UBAP2L: variants seen among roughly 807,000 people sequenced by gnomAD.
UBAP2L encodes the protein ubiquitin-associated protein 2-like.
In UBAP2L, 12 loss-of-function variants were observed where a neutral mutation model predicts 130.6. The observed-to-expected ratio is 0.09, with a 90% confidence interval of 0.06 to 0.15. UBAP2L has a LOEUF of 0.15. Ranked by LOEUF, UBAP2L falls within the 10% of genes least tolerant of loss-of-function variation. The probability of loss-of-function intolerance (pLI) is 1.00; values close to 1 mark genes in which losing one functional copy is unlikely to be tolerated. For synonymous variants in UBAP2L, 503 were observed against 524.7 expected (o/e 0.96, Z 0.57); for missense variants, 965 against 1,332.5 (o/e 0.72, Z 4.29).
At chr1:154,257,723 G>A (rs1425172451) in intron 20 of UBAP2L, 2 of 410,054 alleles carry the variant, frequency 4.9e-6, no homozygotes, top group African/African-American at 2.0e-5. Flanking sequence ...ATTGCCACAT[G>A]TAATCAAACT....
Position 154,234,879 on chromosome 1 carries a change from CCGT to C in UBAP2L, c.448+125_448+127del, listed in dbSNP as rs1307550278. 5 of 1,400,394 alleles carry C rather than the reference CCGT, an allele frequency of 3.6e-6. No homozygotes were observed. In the African/African-American group the frequency reaches 7.2e-5, roughly 20 times the overall value. 86.7% of individuals were successfully genotyped at this position (1,400,394 alleles called of 1,614,324 possible). ...TTATATTATCCTTTTGCTTTTCTTG[CCGT>C]CGTCTGTTCTGAGACCTTGACATCT... On this transcript the variant is annotated intron_variant, in intron 5 of 26. Transcript: ENST00000428931.
rs1674062267 is a variant in UBAP2L, at chr1:154,242,956, T to C, written c.757-261T>C. ...TATTTTTTTTTTTTTATGTCTAGCA[T>C]GCCTGTAAGTTCAGTATGCATATGA... On this transcript the variant is annotated intron_variant, in intron 9 of 26. Transcript: ENST00000428931. 3 of 228,294 alleles carry C rather than the reference T, an allele frequency of 1.3e-5. No homozygotes were observed. The South Asian group carries it at 4.1e-4, about 31-fold the overall frequency. The allele number at this position is 228,294 out of a possible 1,614,324, so 14.1% of individuals were successfully genotyped here.
intron 1 of UBAP2L, among the ~76,000 whole-genome samples, chr1:154,221,583 A>C (rs1666118726): frequency 6.6e-6 from 1 of 152,042 alleles, no homozygotes; most frequent in South Asian, 2.1e-4. Context: ...CGAAGGATTA[A>C]TTTGTTCCGG....
At chr1:154,220,525 C>T (rs939330791), upstream of UBAP2L, 4 of 1,114,192 alleles carry the variant, frequency 3.6e-6, no homozygotes, top group East Asian at 2.4e-5. Flanking sequence ...CATTTCCTTA[C>T]GGGGGAAGAC....
intron 2 of UBAP2L, among the ~76,000 whole-genome samples, chr1:154,227,056 C>G (rs915255269): frequency 3.3e-5 from 5 of 152,214 alleles, no homozygotes; most frequent in African/African-American, 1.2e-4. Flanking sequence ...CTACTCACAT[C>G]AGGTGATCTG....
chr1:154,234,547 A>G, intron 4 of UBAP2L, 44 bp from the exon 5 acceptor site: 1 of 1,606,684 alleles, frequency 6.2e-7, no homozygotes, highest in South Asian at 1.1e-5. Flanking sequence ...GTGTCCTGAT[A>G]GCACTCCATA....
At chr1:154,244,994 C>T (rs928936920) in intron 10 of UBAP2L, among the ~76,000 whole-genome samples, 1 of 151,986 alleles carries the variant, frequency 6.6e-6, no homozygotes, top group Non-Finnish European at 1.5e-5. Flanking sequence ...GGCAGTGGCA[C>T]AATCTTGGCT....
chr1:154,246,187 CT>C lies in UBAP2L; in HGVS notation c.843-15del. 11 of 1,592,102 alleles carry C rather than the reference CT, an allele frequency of 6.9e-6. No individual in the cohort carries two copies. Among genetic ancestry groups the C allele is most frequent in the Non-Finnish European group, 9.5e-6 (11 of 1,163,482 alleles). ...GTTCAGTCATTCTTCATGAAGATCC[CT>C]TCCCTTCCCCATTAGAATTGACCTT... is the stretch of plus-strand genomic sequence containing the variant. On this transcript the variant is annotated splice_polypyrimidine_tract_variant and intron_variant, in intron 10 of 26. Transcript: ENST00000428931.
At chr1:154,220,637 T>C (rs1278614060), upstream of UBAP2L, 6 of 585,122 alleles carry the variant, frequency 1.0e-5, no homozygotes, top group Non-Finnish European at 1.5e-5. Flanking sequence ...AGGCAGGCAA[T>C]GGCACCCAGG....
chr1:154,254,447 G>A (rs1678927031), intron 15 of UBAP2L, among the ~76,000 whole-genome samples: 2 of 152,196 alleles, frequency 1.3e-5, no homozygotes, highest in South Asian at 2.1e-4. Context: ...ATGTGCCAGA[G>A]GTGATGTGGA....
At chr1:154,241,625 T>G (rs1050735214) in intron 9 of UBAP2L, 60 bp downstream of exon 9, 18 of 1,605,344 alleles carry the variant, frequency 1.1e-5, no homozygotes, top group Middle Eastern at 1.7e-4. Context: ...TGTTTAGGGA[T>G]AGAAAATGGG....
chr1:154,232,558 C>T (rs1207092145), intron 4 of UBAP2L, among the ~76,000 whole-genome samples: 1 of 152,006 alleles, frequency 6.6e-6, no homozygotes, highest in Non-Finnish European at 1.5e-5. Flanking sequence ...ATGTATTTTT[C>T]ACTGGGGAAA....
At chr1:154,246,157 A>G (rs775342108) in intron 10 of UBAP2L, 47 bp from the exon 11 acceptor site, 2 of 1,538,796 alleles carry the variant, frequency 1.3e-6, no homozygotes, top group South Asian at 2.4e-5. Context: ...GGGGAATGTT[A>G]GCGTGTTCAG....
At chr1:154,244,116 G>A (rs961965940) in intron 10 of UBAP2L, among the ~76,000 whole-genome samples, 2 of 152,150 alleles carry the variant, frequency 1.3e-5, no homozygotes, top group African/African-American at 4.8e-5. Flanking sequence ...ACACTCTTCA[G>A]GGAATATTTT....
chr1:154,240,582 G>A (rs905402218), intron 8 of UBAP2L, among the ~76,000 whole-genome samples: 5 of 152,058 alleles, frequency 3.3e-5, no homozygotes, highest in African/African-American at 1.2e-4. Context: ...CTCTATAGGG[G>A]CTTTTCTTAT....
At chr1:154,238,421 A>G (rs1303302249) in intron 8 of UBAP2L, among the ~76,000 whole-genome samples, 1 of 152,210 alleles carries the variant, frequency 6.6e-6, no homozygotes, top group East Asian at 1.9e-4. Flanking sequence ...TTTGAGCTGT[A>G]GCTTATTCCT....
rs112280613 is a variant in UBAP2L, at chr1:154,258,997, T to A, written c.2463T>A (p.Asp821Glu). 2.1e-4 allele frequency: 333 copies of A among 1,614,060 alleles called. 2 individuals carry two copies. The South Asian group carries it at 3.4e-3, about 16-fold the overall frequency. ...TTCAGCCACAAGTATATGGTTATGA[T>A]GACTTGCAGATGCTTCAGACAAGAT... ...HAYPPQVYGY[D>E]DLQMLQTRFP... The change falls in exon 21 of 27, where the codon GAT becomes GAA. Residue 821 changes from aspartate (D) to glutamate (E), a missense_variant. Transcript: ENST00000428931.
intron 11 of UBAP2L, among the ~76,000 whole-genome samples, chr1:154,247,975 AT>A (rs932601820): frequency 5.4e-5 from 8 of 149,530 alleles, no homozygotes; most frequent in African/African-American, 1.2e-4. Context: ...TTTATTTTTT[AT>A]TTTTTTTTGA....
intron 20 of UBAP2L, among the ~76,000 whole-genome samples, chr1:154,258,162 G>A (rs1041866650): frequency 3.5e-4 from 54 of 152,140 alleles, no homozygotes; most frequent in African/African-American, 1.2e-3. Context: ...TTAGAGACAG[G>A]GTCTTCCTAT....
Sources: allele counts gnomAD v4.1 joint callset (sites outside exome capture counted in the v4.1 genomes callset), GRCh38; gene constraint gnomAD v4.1.1; transcripts MANE v1.5; gene names NCBI Gene and HGNC (gene_info 2026-07-23, HGNC 2026-07-21).